Variants in ELAC2 observed in about 807,000 individuals in gnomAD.
The protein encoded by ELAC2 is zinc phosphodiesterase ELAC protein 2.
ELAC2 carries 92 observed loss-of-function variants against 105.2 expected under a neutral mutation model. That is an observed-to-expected ratio of 0.87 (90% CI 0.74 to 1.04). The LOEUF is 1.04. Ranked by LOEUF, ELAC2 falls within the 50% of genes least tolerant of loss-of-function variation. The pLI is 0.00. For missense variants in ELAC2, 1,099 were observed against 1,071.7 expected (o/e 1.03, Z -0.36); for synonymous variants, 468 against 409.1 (o/e 1.14, Z -1.74).
In ELAC2 at chr17:12,995,976, G is replaced by A; in HGVS notation, c.1662C>T (p.Gly554=). 6.3e-7 allele frequency: 1 copy of A among 1,594,712 alleles called. No individual in the cohort carries two copies. Among genetic ancestry groups the A allele is most frequent in the Non-Finnish European group, 8.6e-7 (1 of 1,169,226 alleles). Reference sequence around the variant, plus strand: ...CTCTCTGCAGCAAGATACTTGGCAAGCCCTGGCAAGGAAACAGGAGACATG... The same window carrying A: ...CTCTCTGCAGCAAGATACTTGGCAAACCCTGGCAAGGAAACAGGAGACATG... ...VSHLHADHHT[G]LPSILLQRER... The change falls in exon 18 of 24, where the codon GGC becomes GGT. Residue 554 remains glycine (G), a splice_region_variant and synonymous_variant. Coordinates refer to ENST00000338034, the MANE Select transcript of ELAC2 (RefSeq NM_018127.7).
chr17:12,991,852 C>CTTACTTACTTACTTACT lies in ELAC2; in HGVS notation c.*949_*965dup, dbSNP rs1452741873. Among the ~76,000 whole-genome samples the CTTACTTACTTACTTACT allele has an allele frequency of 6.8e-6, 1 of 147,366 alleles. No individual in the cohort carries two copies. The highest frequency in any genetic ancestry group is 1.5e-5 in the Non-Finnish European group (1 of 65,344). ...CACAATAAATACTAGATTCAACTTA[C>CTTACTTACTTACTTACT]TTACTTACTTACTTACTTTACTTAC... is the stretch of plus-strand genomic sequence containing the variant. On this transcript the variant is annotated 3_prime_UTR_variant, in exon 24 of 24. Coordinates refer to ENST00000338034, the MANE Select transcript of ELAC2 (RefSeq NM_018127.7).
Position 12,992,953 on chromosome 17 carries a change from C to A in ELAC2, c.2346G>T (p.Arg782Ser), listed in dbSNP as rs1280288863. 1 of 1,611,308 alleles carries A rather than the reference C, an allele frequency of 6.2e-7. No individual in the cohort carries two copies. The stretch of plus-strand genomic sequence containing the variant: ...GCACCTGCCGCAGCTCCCGCTTCTC[C>A]CTGCGCTCCTCCATCTCCTCGATGT... ...AGDIEEMEER[R>S]EKRELRQVRA... Residue 782 changes from arginine to serine, a missense_variant, in exon 24 of 24, where the codon AGG (arginine) becomes AGT (serine). Physicochemically the swap from Arg to Ser is moderately radical, Grantham distance 110 (BLOSUM62 -1). Transcript: ENST00000338034.
intron 1 of ELAC2, chr17:13,017,463 C>A: frequency 1.2e-6 from 1 of 816,418 alleles, no homozygotes; most frequent in Non-Finnish European, 1.9e-6. Context: ...ACAGCCAGGC[C>A]GGGGCCCAAG....
At position 13,005,820 on chromosome 17, in the gene ELAC2, G is replaced by A. The variant is rs2143626707; in HGVS notation, c.803C>T (p.Thr268Ile). The change falls in exon 10 of 24, where the codon ACA becomes ATA. Residue 268 changes from threonine to isoleucine, a missense_variant. Thr to Ile is a moderately conservative substitution (Grantham distance 89, BLOSUM62 -1). Transcript: ENST00000338034. The stretch of plus-strand genomic sequence containing the variant: ...AGCAATGATGGGAGCGATGGCAGCT[G>A]TCCCACTGAAATGAAGAGGCAAGGC... Reference protein sequence around the residue: ...KAKEMGLPVGTAAIAPIIAAV... With the variant: ...KAKEMGLPVGIAAIAPIIAAV... 1.2e-6 allele frequency: 2 copies of A among 1,614,152 alleles called. No homozygotes were observed. Among genetic ancestry groups the A allele is most frequent in the Non-Finnish European group, 1.7e-6 (2 of 1,180,042 alleles).
chr17:13,017,903 G>T lies in ELAC2; in HGVS notation c.45C>A (p.Thr15=). The change falls in exon 1 of 24, where the codon ACC becomes ACA. Residue 15 remains threonine (T), a synonymous_variant. Transcript: ENST00000338034. ...GCGATATGGTGCGTCCCTGCGACAT[G>T]GTGCGTCCGGCCGCGGACCGCAGCA... ...CSLLRSAAGR[T]MSQGRTISQA... is the part of the protein sequence containing the mutation. 6.5e-7 allele frequency: 1 copy of T among 1,542,414 alleles called. No homozygotes were observed. The highest frequency in any genetic ancestry group is 8.7e-7 in the Non-Finnish European group (1 of 1,147,066).
chr17:12,996,032 G>A (rs1018935678), intron 17 of ELAC2, 54 bp from the exon 18 acceptor site: 54 of 1,552,670 alleles, frequency 3.5e-5, no homozygotes, highest in South Asian at 2.8e-4. Flanking sequence ...CATCCCCTCC[G>A]GGTTAGGGTC....
rs117027835 is a variant in ELAC2 at position 13,011,624 on chromosome 17, G to A, written c.679+39C>T. 1.8e-3 allele frequency: 2,973 copies of A among 1,614,004 alleles called. 7 individuals are homozygous for A. The highest frequency in any genetic ancestry group is 4.0e-3 in the Middle Eastern group (24 of 6,062). The stretch of plus-strand genomic sequence containing the variant: ...TTACAAGGCAGAGAATTAAGAAAAC[G>A]CAAGCCTTTCTGCTGCTCTGTTTTG... On this transcript the variant is annotated intron_variant, in intron 7 of 23. Coordinates refer to ENST00000338034, the MANE Select transcript of ELAC2 (RefSeq NM_018127.7).
At chr17:12,993,280 A>G (rs1290571568) in intron 23 of ELAC2, among the ~76,000 whole-genome samples, 1 of 152,214 alleles carries the variant, frequency 6.6e-6, no homozygotes, top group African/African-American at 2.4e-5. Flanking sequence ...AGAGCAGTCC[A>G]GATGCTCTCA....
chr17:12,992,339 A>C lies in ELAC2; in HGVS notation c.*479T>G, dbSNP rs562281125. 5.5e-5 allele frequency: 14 copies of C among 255,010 alleles called. No homozygotes were observed. In the South Asian group the frequency reaches 1.3e-3, roughly 24 times the overall value. The allele number at this position is 255,010 out of a possible 1,614,324, so 15.8% of individuals were successfully genotyped here. On this transcript the variant is annotated 3_prime_UTR_variant, in exon 24 of 24. Transcript: ENST00000338034. ...CAGAGAGCCTTCTCCAAGGTGGTGC[A>C]CAGCAGACCCTGCTCTGTAGCAGCA...
intron 4 of ELAC2, among the ~76,000 whole-genome samples, chr17:13,014,872 A>T (rs1387129402): frequency 6.6e-6 from 1 of 152,250 alleles, no homozygotes; most frequent in Non-Finnish European, 1.5e-5. Flanking sequence ...TGAGCCCTGA[A>T]GGTTCAGTAA....
At chr17:13,015,906 TA>T in intron 3 of ELAC2, 74 bp from the exon 4 acceptor site, 1 of 1,109,664 alleles carries the variant, frequency 9.0e-7, no homozygotes, top group East Asian at 2.4e-5. Flanking sequence ...CACCCCGTAC[TA>T]ATCCAACTAT....
At chr17:12,996,352 G>C in intron 17 of ELAC2, 195 bp downstream of exon 17, 1 of 798,826 alleles carries the variant, frequency 1.3e-6, no homozygotes, top group African/African-American at 1.7e-5. Flanking sequence ...GAAAGGAACT[G>C]AACAGGAAGA....
chr17:12,995,831 G>C lies in ELAC2; in HGVS notation c.1699-19C>G, dbSNP rs371530852. 4.7e-5 allele frequency: 75 copies of C among 1,600,618 alleles called. No individual in the cohort carries two copies. The highest frequency in any genetic ancestry group is 6.1e-5 in the Non-Finnish European group (71 of 1,173,474). On this transcript the variant is annotated intron_variant, in intron 18 of 23. Coordinates refer to ENST00000338034, the MANE Select transcript of ELAC2 (RefSeq NM_018127.7). ...AAGATGCCTGGAACAAAAAATGCAA[G>C]TGCCGACTCGACGACAGAACATCTC...
chr17:13,003,408 G>T, intron 12 of ELAC2, 71 bp downstream of exon 12: 2 of 1,398,244 alleles, frequency 1.4e-6, no homozygotes, highest in South Asian at 1.2e-5. Context: ...GAAAGAGCAC[G>T]AGGGGAGGAA....
At chr17:12,995,163 G>A in intron 19 of ELAC2, 101 bp from the exon 20 acceptor site, 1 of 1,175,390 alleles carries the variant, frequency 8.5e-7, no homozygotes, top group Non-Finnish European at 1.3e-6. Flanking sequence ...TCATTCTTAG[G>A]AGAAAACATG....
chr17:13,012,487 G>C (rs1031892428), intron 6 of ELAC2, among the ~76,000 whole-genome samples: 27 of 152,208 alleles, frequency 1.8e-4, no homozygotes, highest in African/African-American at 6.5e-4. Context: ...AGGAGCACTT[G>C]TGCCATTGCT....
chr17:13,011,728 C>T lies in ELAC2; in HGVS notation c.614G>A (p.Ser205Asn), dbSNP rs762466472. The T allele has an allele frequency of 6.2e-7, 1 of 1,614,178 alleles. No individual in the cohort carries two copies. Among genetic ancestry groups the T allele is most frequent in the South Asian group, 1.1e-5 (1 of 91,078 alleles). ...QPWQSPERPL[S>N]RLSPERSSDS... is the part of the protein sequence containing the mutation. Reference sequence around the variant, plus strand: ...TGAAGATCGCTCTGGACTGAGCCTGCTGAGAGGCCTTTCTGGACTCTGCCA... The same window carrying T: ...TGAAGATCGCTCTGGACTGAGCCTGTTGAGAGGCCTTTCTGGACTCTGCCA... The change falls in exon 7 of 24, where the codon AGC becomes AAC. Residue 205 changes from serine to asparagine, a missense_variant. Ser to Asn is a conservative substitution (Grantham distance 46). Transcript: ENST00000338034.
At chr17:12,997,672 G>A (rs7210599) in intron 16 of ELAC2, among the ~76,000 whole-genome samples, 9,407 of 152,092 alleles carry the variant, frequency 0.062, 380 homozygotes, top group African/African-American at 0.12. Flanking sequence ...GGCACATCTC[G>A]TCACTGCTGT....
chr17:13,014,674 T>C (rs1003457132), intron 4 of ELAC2, among the ~76,000 whole-genome samples, 178 bp from the exon 5 acceptor site: 1 of 152,136 alleles, frequency 6.6e-6, no homozygotes, highest in Non-Finnish European at 1.5e-5. Context: ...GCCAAGGATA[T>C]AGCAGGAAAA....
Sources: allele counts gnomAD v4.1 joint callset (sites outside exome capture counted in the v4.1 genomes callset), GRCh38; gene constraint gnomAD v4.1.1; transcripts MANE v1.5; gene names NCBI Gene and HGNC (gene_info 2026-07-23, HGNC 2026-07-21).